The following PNKD variants were observed in gnomAD, a reference collection of about 807,000 sequenced individuals.
PNKD encodes the protein PNKD metallo-beta-lactamase domain containing.
A neutral mutation model predicts 45.3 loss-of-function variants in PNKD; 36 were observed. That is an observed-to-expected ratio of 0.80 (90% CI 0.61 to 1.05). PNKD has a LOEUF of 1.05. PNKD is among the 50% of genes least tolerant of loss of function. The pLI is 0.00. For missense variants in PNKD, 511 were observed against 506.6 expected, an observed-to-expected ratio of 1.01 and a Z score of -0.08; for synonymous variants, 197 against 210.1, an observed-to-expected ratio of 0.94 and a Z score of 0.54.
chr2:218,301,877 CAACT>C (rs915238135), intron 2 of PNKD, among the ~76,000 whole-genome samples: 25 of 152,298 alleles, frequency 1.6e-4, no homozygotes, highest in African/African-American at 5.8e-4. Flanking sequence ...TATGAGGGGC[CAACT>C]GTGTGCCAGA....
At chr2:218,270,934 A>G in intron 1 of PNKD, 1 of 345,112 alleles carries the variant, frequency 2.9e-6, no homozygotes, top group Non-Finnish European at 5.2e-6. Context: ...GATAATTAGC[A>G]GTTTGACCTT....
At chr2:218,300,703 G>A (rs1354474838) in intron 2 of PNKD, among the ~76,000 whole-genome samples, 2 of 151,866 alleles carry the variant, frequency 1.3e-5, no homozygotes, top group East Asian at 1.9e-4. Context: ...GCCCCACCAC[G>A]CCCAGCCAAT....
chr2:218,307,301 CTAT>C (rs1693440844), intron 2 of PNKD, among the ~76,000 whole-genome samples: 1 of 151,910 alleles, frequency 6.6e-6, no homozygotes, highest in Non-Finnish European at 1.5e-5. Flanking sequence ...CACTAGATTT[CTAT>C]TATTATTACA....
At chr2:218,325,892 C>T (rs57115984) in intron 2 of PNKD, among the ~76,000 whole-genome samples, 6,513 of 152,200 alleles carry the variant, frequency 0.043, 456 homozygotes, top group African/African-American at 0.15. Flanking sequence ...GAGAAGGGTG[C>T]GCCTGGAGTC....
intron 2 of PNKD, among the ~76,000 whole-genome samples, chr2:218,281,144 T>TTTTTTTGGTTTC (rs1559504889): frequency 7.6e-6 from 1 of 130,846 alleles, no homozygotes; most frequent in Non-Finnish European, 1.7e-5. Flanking sequence ...TTTTTTGGTT[T>TTTTTTTGGTTTC]TTTTTTTGAG....
Position 218,275,985 on chromosome 2 carries a change from A to G in PNKD, c.236+4436A>G. 1.9e-6 allele frequency: 3 copies of G among 1,593,316 alleles called. No homozygotes were observed. The South Asian group carries it at 3.4e-5, about 18-fold the overall frequency. On this transcript the variant is annotated intron_variant, in intron 2 of 9. Transcript: ENST00000273077. Reference sequence around the variant, plus strand: ...CCCCCTTCCCTAGATTCCTCCCCTCATCCCCTCAGCTCCCCTTCCTAGAGT... The same window carrying G: ...CCCCCTTCCCTAGATTCCTCCCCTCGTCCCCTCAGCTCCCCTTCCTAGAGT...
chr2:218,281,968 G>A (rs754959913), intron 2 of PNKD: 1 of 1,603,256 alleles, frequency 6.2e-7, no homozygotes, highest in Non-Finnish European at 8.5e-7. Flanking sequence ...GGTGGGTGGG[G>A]GGCATGGGCT....
chr2:218,343,606 C>T lies in PNKD; in HGVS notation c.868+20C>T. Reference sequence around the variant, plus strand: ...GGCCTGGTGAGACACCCCCTTACTACTCCCCATCCTCCAGCCCCACGCTCA... The same window carrying T: ...GGCCTGGTGAGACACCCCCTTACTATTCCCCATCCTCCAGCCCCACGCTCA... On this transcript the variant is annotated intron_variant, in intron 8 of 9. Transcript: ENST00000273077. 6.4e-7 allele frequency: 1 copy of T among 1,566,648 alleles called. No homozygotes were observed. The highest frequency in any genetic ancestry group is 8.7e-7 in the Non-Finnish European group (1 of 1,144,696).
chr2:218,312,029 T>C (rs1490244538), intron 2 of PNKD, among the ~76,000 whole-genome samples: 1 of 152,234 alleles, frequency 6.6e-6, no homozygotes, highest in Non-Finnish European at 1.5e-5. Context: ...ACAAGGCACA[T>C]CCTGCACAGC....
At chr2:218,332,691 A>T (rs1694364814) in intron 2 of PNKD, among the ~76,000 whole-genome samples, 1 of 138,332 alleles carries the variant, frequency 7.2e-6, no homozygotes, top group Non-Finnish European at 1.6e-5. Context: ...CTCCACCTTC[A>T]GCACCCCCTC....
intron 1 of PNKD, 116 bp downstream of exon 1, chr2:218,270,718 G>T (rs1302492829): frequency 4.7e-6 from 2 of 424,864 alleles, no homozygotes; most frequent in Non-Finnish European, 8.6e-6. Flanking sequence ...TTTTCTGCAA[G>T]ATCTTAGAGT....
chr2:218,296,106 C>T (rs1417304671), intron 2 of PNKD, among the ~76,000 whole-genome samples: 2 of 152,112 alleles, frequency 1.3e-5, no homozygotes, highest in African/African-American at 4.8e-5. Flanking sequence ...CCTCACCCTC[C>T]CAAAGTGCTG....
chr2:218,278,467 T>C, intron 2 of PNKD: 2 of 1,587,068 alleles, frequency 1.3e-6, no homozygotes, highest in South Asian at 1.1e-5. Context: ...TCGGCCCCCA[T>C]CCCAATCCCT....
intron 2 of PNKD, among the ~76,000 whole-genome samples, chr2:218,291,989 C>A (rs774325134): frequency 6.6e-6 from 1 of 151,794 alleles, no homozygotes; most frequent in Non-Finnish European, 1.5e-5. Flanking sequence ...CCGAGACTGG[C>A]CTCAGCGCGT....
At chr2:218,301,641 G>C (rs921081535) in intron 2 of PNKD, among the ~76,000 whole-genome samples, 5 of 152,108 alleles carry the variant, frequency 3.3e-5, no homozygotes, top group Admixed American at 2.6e-4. Flanking sequence ...TAAAACATTA[G>C]CTGGGCATGG....
chr2:218,312,153 G>T (rs1693633025), intron 2 of PNKD, among the ~76,000 whole-genome samples: 1 of 152,166 alleles, frequency 6.6e-6, no homozygotes, highest in Non-Finnish European at 1.5e-5. Flanking sequence ...TCTTAGTACA[G>T]ATCAAAATGG....
At chr2:218,313,626 T>C (rs1421026699) in intron 2 of PNKD, among the ~76,000 whole-genome samples, 1 of 152,214 alleles carries the variant, frequency 6.6e-6, no homozygotes, top group Non-Finnish European at 1.5e-5. Context: ...CCAGTAACCC[T>C]GGGCCTTCAA....
rs1286861511 is a variant in PNKD, at chr2:218,326,610, T to A, written c.237-13173T>A. On this transcript the variant is annotated intron_variant, in intron 2 of 9. Transcript: ENST00000273077. The surrounding 1 kb of genome is among the most constrained non-coding windows in gnomAD (Gnocchi z 4.1). ...CACAGGGCCTGGCTCAAAAAGAGTGTTCAGGAAATGTTAGCAGGTGTTCCT... is the reference window on the plus strand; with the variant it reads ...CACAGGGCCTGGCTCAAAAAGAGTGATCAGGAAATGTTAGCAGGTGTTCCT... 6.6e-6 allele frequency among the ~76,000 whole-genome samples: 1 copy of A among 152,118 alleles called. No individual in the cohort carries two copies. The highest frequency in any genetic ancestry group is 1.5e-5 in the Non-Finnish European group (1 of 68,020).
chr2:218,293,927 TAAAAA>T (rs56100300), intron 2 of PNKD, among the ~76,000 whole-genome samples: 56 of 118,894 alleles, frequency 4.7e-4, no homozygotes, highest in African/African-American at 1.9e-4. Flanking sequence ...AACAGAGATT[TAAAAA>T]AAAAAAAAAA....
Sources: allele counts gnomAD v4.1 joint callset (sites outside exome capture counted in the v4.1 genomes callset), GRCh38; gene constraint gnomAD v4.1.1; non-coding constraint Gnocchi (gnomAD v3.1); transcripts MANE v1.5; gene names NCBI Gene and HGNC (gene_info 2026-07-23, HGNC 2026-07-21).